Variants in SYT17 observed in about 807,000 individuals in gnomAD.
SYT17 encodes synaptotagmin-17.
In SYT17, 22 loss-of-function variants were observed where a neutral mutation model predicts 46.7. That is an observed-to-expected ratio of 0.47 (90% confidence interval 0.34 to 0.67). The LOEUF is 0.67. Among genes scored for constraint, SYT17 ranks in the 30% least tolerant of loss-of-function variants. SYT17 has a pLI of 0.01. For synonymous variants in SYT17, 251 were observed against 248.4 expected (o/e 1.01, Z -0.10); for missense variants, 519 against 612.8 (o/e 0.85, Z 1.62).
chr16:19,212,342 C>T lies in SYT17; in HGVS notation c.952-10703C>T, dbSNP rs545363332. On this transcript the variant is annotated intron_variant, in intron 5 of 7. Coordinates refer to ENST00000355377, the MANE Select transcript of SYT17 (RefSeq NM_016524.4). The stretch of plus-strand genomic sequence containing the variant: ...AGGGTTTTAAACAGGGAAGTGAGGC[C>T]GGGTATGGTGGCTCACACATGTCAT... 6.6e-5 allele frequency among the ~76,000 whole-genome samples: 10 copies of T among 151,818 alleles called. 1 individual carries two copies. The South Asian group carries it at 1.0e-3, about 16-fold the overall frequency.
chr16:19,183,803 G>A lies in SYT17; in HGVS notation c.607G>A (p.Val203Met), dbSNP rs745725431. The change falls in exon 5 of 8, where the codon GTG becomes ATG. Residue 203 changes from valine (V) to methionine (M), a missense_variant. Transcript: ENST00000355377. The surrounding 1 kb of genome is among the most constrained non-coding windows in gnomAD (Gnocchi z 5.6). Reference sequence around the variant, plus strand: ...CGACCTGCTGCACAACCACCTCACCGTGCGCGTGATCGAGGCCAGGGACCT... The same window carrying A: ...CGACCTGCTGCACAACCACCTCACCATGCGCGTGATCGAGGCCAGGGACCT... ...QYDLLHNHLTVRVIEARDLPP... is the reference protein window; with the variant it reads ...QYDLLHNHLTMRVIEARDLPP... 6.8e-6 allele frequency: 11 copies of A among 1,613,972 alleles called. No homozygotes were observed. Among genetic ancestry groups the A allele is most frequent in the Middle Eastern group, 1.6e-4 (1 of 6,084 alleles).
chr16:19,230,364 G>A (rs771243773), intron 7 of SYT17, among the ~76,000 whole-genome samples: 1 of 151,318 alleles, frequency 6.6e-6, no homozygotes, highest in Non-Finnish European at 1.5e-5. Flanking sequence ...CCGAGATCAC[G>A]CCATTGCACT....
At chr16:19,193,095 C>A (rs1965092270) in intron 5 of SYT17, among the ~76,000 whole-genome samples, 1 of 152,222 alleles carries the variant, frequency 6.6e-6, no homozygotes, top group Non-Finnish European at 1.5e-5. Context: ...GCATCTAAAA[C>A]TTGGCTCTGC....
At chr16:19,191,894 C>T (rs892654588) in intron 5 of SYT17, among the ~76,000 whole-genome samples, 1 of 152,088 alleles carries the variant, frequency 6.6e-6, no homozygotes, top group African/African-American at 2.4e-5. Context: ...AAGTGATTCT[C>T]CTGCCCCAGC....
chr16:19,221,065 C>T lies in SYT17; in HGVS notation c.952-1980C>T, dbSNP rs140685721. On this transcript the variant is annotated intron_variant, in intron 5 of 7. Coordinates refer to ENST00000355377, the MANE Select transcript of SYT17 (RefSeq NM_016524.4). ...ATCATCCAGGCATAGTGGCACATGC[C>T]GTAATCCCAGCTATTCAGGATGTTA... Among the ~76,000 whole-genome samples the T allele has an allele frequency of 5.8e-3, 875 of 151,734 alleles. 8 individuals carry two copies. Among genetic ancestry groups the T allele is most frequent in the African/African-American group, 0.019 (799 of 41,366 alleles).
chr16:19,206,487 G>T (rs1965676191), intron 5 of SYT17, among the ~76,000 whole-genome samples: 1 of 152,158 alleles, frequency 6.6e-6, no homozygotes. Context: ...TAGTCCACCA[G>T]AGTGTTAGTT....
At chr16:19,193,438 G>A (rs1467010321) in intron 5 of SYT17, among the ~76,000 whole-genome samples, 3 of 152,164 alleles carry the variant, frequency 2.0e-5, no homozygotes, top group Non-Finnish European at 2.9e-5. Flanking sequence ...TTATGTTTCC[G>A]AACATTGCTT....
chr16:19,205,209 T>G (rs766571853), intron 5 of SYT17, among the ~76,000 whole-genome samples: 106 of 152,298 alleles, frequency 7.0e-4, no homozygotes, highest in Non-Finnish European at 7.6e-4. Flanking sequence ...AAAATCTAAA[T>G]GAGACTCAGC....
chr16:19,170,092 G>C (rs1045552610), intron 1 of SYT17: 3 of 152,160 alleles, frequency 2.0e-5, no homozygotes, highest in Admixed American at 6.5e-5. Flanking sequence ...AGAACAAGGT[G>C]TTAAACTTTG....
At position 19,168,777 on chromosome 16, in the gene SYT17, A is replaced by G; in HGVS notation, c.15+116A>G. On this transcript the variant is annotated intron_variant, in intron 1 of 7. Transcript: ENST00000355377. This position sits in a 1 kb window ranked among gnomAD's most constrained non-coding sequence, Gnocchi z 6.9. ...GCTAGGCTCCCACAAACTTGCTTCG[A>G]GAAAAAGGGTGCCCGTGCGCGGGCA... 7.7e-7 allele frequency: 1 copy of G among 1,306,320 alleles called. No individual in the cohort carries two copies. Among genetic ancestry groups the G allele is most frequent in the Non-Finnish European group, 1.0e-6 (1 of 987,032 alleles). 80.9% of individuals were successfully genotyped at this position (1,306,320 alleles called of 1,614,324 possible). A position where few individuals can be genotyped will look rare whatever the true frequency, so the allele number is the denominator to read the frequency against.
At chr16:19,245,086 C>T (rs1360791015) in intron 7 of SYT17, among the ~76,000 whole-genome samples, 2 of 152,156 alleles carry the variant, frequency 1.3e-5, no homozygotes, top group Non-Finnish European at 2.9e-5. Context: ...TCAGGGTCAA[C>T]AGTGGGGGAA....
At chr16:19,222,450 C>T (rs1000255554) in intron 5 of SYT17, among the ~76,000 whole-genome samples, 1 of 152,132 alleles carries the variant, frequency 6.6e-6, no homozygotes, top group Non-Finnish European at 1.5e-5. Flanking sequence ...CAAGGGATGT[C>T]ACTGTGCCGA....
In SYT17 at chr16:19,168,732, C is replaced by T; in HGVS notation, c.15+71C>T. ...GCCGCGCCCCCTCCGGCTGGGAGCG[C>T]GCGGAAGGGAGGGCCCACGGCTAGG... On this transcript the variant is annotated intron_variant, in intron 1 of 7. Transcript: ENST00000355377. The surrounding 1 kb of genome is among the most constrained non-coding windows in gnomAD (Gnocchi z 6.9). 2.1e-6 allele frequency: 3 copies of T among 1,414,550 alleles called. No individual in the cohort carries two copies. The highest frequency in any genetic ancestry group is 2.8e-6 in the Non-Finnish European group (3 of 1,079,086). The allele number at this position is 1,414,550 out of a possible 1,614,324, so 87.6% of individuals were successfully genotyped here.
Position 19,183,733 on chromosome 16 carries a change from C to T in SYT17, c.537C>T (p.Ile179=). 2 of 1,614,214 alleles carry T rather than the reference C, an allele frequency of 1.2e-6. No homozygotes were observed. The highest frequency in any genetic ancestry group is 1.7e-6 in the Non-Finnish European group (2 of 1,180,046). ...TGGACTCTCTGACAGACGAGGAGAT[C>T]CTGTCCAAGTACCAGCTGGGCATGC... ...DDVDSLTDEE[I]LSKYQLGMLH... is the part of the protein sequence containing the mutation. The change falls in exon 5 of 8, where the codon ATC becomes ATT. Residue 179 remains isoleucine (I), a synonymous_variant. Transcript: ENST00000355377. The surrounding 1 kb of genome is among the most constrained non-coding windows in gnomAD (Gnocchi z 5.6).
intron 7 of SYT17, among the ~76,000 whole-genome samples, chr16:19,231,555 A>AAAAAAAAAAG (rs1966689715): frequency 6.7e-6 from 1 of 149,936 alleles, no homozygotes; most frequent in African/African-American, 2.5e-5. Context: ...AAAAAAGAAA[A>AAAAAAAAAAG]GAAAAAAGTC....
chr16:19,260,898 T>G (rs1383909550), intron 7 of SYT17, among the ~76,000 whole-genome samples: 2 of 152,152 alleles, frequency 1.3e-5, no homozygotes, highest in Non-Finnish European at 2.9e-5. Flanking sequence ...TACTGCAAAT[T>G]TTATCACCAA....
At chr16:19,235,635 G>T (rs1241099240) in intron 7 of SYT17, among the ~76,000 whole-genome samples, 1 of 152,200 alleles carries the variant, frequency 6.6e-6, no homozygotes, top group Non-Finnish European at 1.5e-5. Context: ...GGAATTATCA[G>T]ATGAAGACTT....
intron 5 of SYT17, among the ~76,000 whole-genome samples, chr16:19,222,775 T>C (rs1337615423): frequency 1.3e-5 from 2 of 152,214 alleles, no homozygotes; most frequent in African/African-American, 2.4e-5. Flanking sequence ...GCGTAGTACA[T>C]GGCAGTGAAG....
intron 7 of SYT17, among the ~76,000 whole-genome samples, chr16:19,233,977 T>G (rs1052018288): frequency 1.3e-5 from 2 of 152,188 alleles, no homozygotes; most frequent in African/African-American, 4.8e-5. Context: ...GAGAGAAGGT[T>G]GCATGGCTAT....
Sources: allele counts gnomAD v4.1 joint callset (sites outside exome capture counted in the v4.1 genomes callset), GRCh38; gene constraint gnomAD v4.1.1; non-coding constraint Gnocchi (gnomAD v3.1); transcripts MANE v1.5; gene names NCBI Gene and HGNC (gene_info 2026-07-23, HGNC 2026-07-21).